LRP5: variants seen among roughly 807,000 people sequenced by gnomAD.
LRP5 encodes the protein low-density lipoprotein receptor-related protein 5.
LRP5 carries 62 observed loss-of-function variants against 154.1 expected under a neutral mutation model. That is an observed-to-expected ratio of 0.40 (90% confidence interval 0.33 to 0.50). The LOEUF (loss-of-function observed/expected upper bound fraction) is 0.50. LRP5 is among the 20% of genes least tolerant of loss of function. The pLI is 0.55. For missense variants in LRP5, 1,915 were observed against 2,336.7 expected (o/e 0.82, Z 3.72); for synonymous variants, 966 against 1,011.5 (o/e 0.96, Z 0.85).
chr11:68,385,323 T>TC (rs1456267188), intron 5 of LRP5, among the ~76,000 whole-genome samples: 1 of 152,070 alleles, frequency 6.6e-6, no homozygotes, highest in Non-Finnish European at 1.5e-5. Flanking sequence ...GGCTTGGCCC[T>TC]GGGGGGCAGC....
intron 5 of LRP5, among the ~76,000 whole-genome samples, chr11:68,379,418 G>A (rs1283337595): frequency 6.6e-6 from 1 of 152,148 alleles, no homozygotes; most frequent in Non-Finnish European, 1.5e-5. Context: ...TGGGGTCCGC[G>A]GTTCCCGGGC....
chr11:68,427,121 A>C (rs543345972), intron 16 of LRP5, among the ~76,000 whole-genome samples: 4 of 152,322 alleles, frequency 2.6e-5, no homozygotes, highest in African/African-American at 9.6e-5. Flanking sequence ...ATAGACTCCA[A>C]GTCGGCTGAT....
chr11:68,304,657 C>T, the LRP5 span, among the ~76,000 whole-genome samples: 1 of 152,268 alleles, frequency 6.6e-6, no homozygotes, highest in Non-Finnish European at 1.5e-5. Context: ...TCTGCAAAGC[C>T]GCAGGAATAG....
chr11:68,448,552 G>A (rs1002416668), intron 22 of LRP5, among the ~76,000 whole-genome samples: 1 of 152,210 alleles, frequency 6.6e-6, no homozygotes, highest in Non-Finnish European at 1.5e-5. Context: ...TCTCCTTAGA[G>A]GCAGCCTTGC....
At chr11:68,334,677 C>T (rs1196378679) in intron 1 of LRP5, among the ~76,000 whole-genome samples, 3 of 152,054 alleles carry the variant, frequency 2.0e-5, no homozygotes, top group Admixed American at 6.6e-5. Flanking sequence ...GAGTTTGAGA[C>T]CAGCGTGGCC....
intron 9 of LRP5, among the ~76,000 whole-genome samples, chr11:68,409,047 TG>T (rs1414161840): frequency 2.7e-5 from 1 of 36,856 alleles, no homozygotes; most frequent in Non-Finnish European, 4.5e-5. Context: ...AAGACTTATC[TG>T]GGGAAAAAAA....
chr11:68,426,301 C>T, intron 16 of LRP5, 114 bp downstream of exon 16: 1 of 853,578 alleles, frequency 1.2e-6, no homozygotes, highest in Non-Finnish European at 1.8e-6. Context: ...TGGTCTCTGC[C>T]AGATGCCAAC....
At chr11:68,424,777 G>A (rs910976019) in intron 14 of LRP5, among the ~76,000 whole-genome samples, 3 of 152,210 alleles carry the variant, frequency 2.0e-5, no homozygotes, top group Admixed American at 6.5e-5. Context: ...CAGTCTCTCT[G>A]TCTGGCTGCA....
At chr11:68,422,860 C>T (rs1275099398) in intron 13 of LRP5, among the ~76,000 whole-genome samples, 1 of 151,300 alleles carries the variant, frequency 6.6e-6, no homozygotes, top group African/African-American at 2.4e-5. Flanking sequence ...CACTCACCCG[C>T]CCCTGCACCC....
intron 13 of LRP5, among the ~76,000 whole-genome samples, chr11:68,420,525 T>C (rs2098664951): frequency 6.6e-6 from 1 of 152,038 alleles, no homozygotes; most frequent in South Asian, 2.1e-4. Flanking sequence ...GCCAACATAG[T>C]GAAACCCTGG....
chr11:68,321,065 T>G (rs905983596), intron 1 of LRP5, among the ~76,000 whole-genome samples: 1 of 148,652 alleles, frequency 6.7e-6, no homozygotes, highest in Non-Finnish European at 1.5e-5. Context: ...TGGGTTTTTT[T>G]TTTTTTTTTT....
chr11:68,443,165 A>C (rs779786227), intron 21 of LRP5, among the ~76,000 whole-genome samples: 1 of 151,994 alleles, frequency 6.6e-6, no homozygotes, highest in South Asian at 2.1e-4. Flanking sequence ...ATCTTCATTT[A>C]TATTTATTTT....
intron 3 of LRP5, among the ~76,000 whole-genome samples, chr11:68,360,231 G>A (rs1182345657): frequency 6.6e-6 from 1 of 152,146 alleles, no homozygotes; most frequent in Non-Finnish European, 1.5e-5. Flanking sequence ...TGCCCAGGCT[G>A]GTCTCAAACT....
chr11:68,310,278 G>A (rs1466278683), upstream of LRP5, among the ~76,000 whole-genome samples: 2 of 152,124 alleles, frequency 1.3e-5, no homozygotes, highest in East Asian at 1.9e-4. Flanking sequence ...TGGGGTGAAA[G>A]AGTTGGAGCA....
At chr11:68,336,986 T>C (rs2098606066) in intron 1 of LRP5, among the ~76,000 whole-genome samples, 1 of 152,270 alleles carries the variant, frequency 6.6e-6, no homozygotes, top group Non-Finnish European at 1.5e-5. Flanking sequence ...TCTGTCCTGC[T>C]GGCTGAGCTG....
chr11:68,344,284 C>T (rs767436414), intron 1 of LRP5, among the ~76,000 whole-genome samples: 2 of 152,148 alleles, frequency 1.3e-5, no homozygotes, highest in Non-Finnish European at 2.9e-5. Flanking sequence ...AGTTCCGCTG[C>T]AGTTATAACA....
intron 17 of LRP5, among the ~76,000 whole-genome samples, chr11:68,430,739 C>T (rs1386175745): frequency 6.6e-6 from 1 of 152,140 alleles, no homozygotes; most frequent in Non-Finnish European, 1.5e-5. Flanking sequence ...CTTTTTCTCT[C>T]CTTCTACCCT....
At chr11:68,419,738 T>G (rs2098664508) in intron 13 of LRP5, among the ~76,000 whole-genome samples, 1 of 151,822 alleles carries the variant, frequency 6.6e-6, no homozygotes, top group Admixed American at 6.6e-5. Context: ...GAGACGGGGT[T>G]TCACCATGTT....
intron 5 of LRP5, among the ~76,000 whole-genome samples, chr11:68,381,421 G>A (rs886178716): frequency 6.6e-6 from 1 of 152,050 alleles, no homozygotes; most frequent in African/African-American, 2.4e-5. Context: ...CCATGACGTC[G>A]GCCATCCCTT....
Sources: gnomAD v4.1 joint callset for allele counts (sites outside exome capture counted in the v4.1 genomes callset) on GRCh38, gnomAD v4.1.1 for gene constraint, MANE v1.5 for transcripts, NCBI Gene and HGNC (gene_info 2026-07-23, HGNC 2026-07-21) for gene names.